Variants in DOCK9 observed in about 807,000 individuals in gnomAD.
DOCK9 encodes dedicator of cytokinesis 9.
In DOCK9, 89 loss-of-function variants were observed where a neutral mutation model predicts 263.3. The observed-to-expected ratio is 0.34, with a 90% CI of 0.28 to 0.40. The LOEUF is 0.40. Ranked by LOEUF, DOCK9 falls within the 10% of genes least tolerant of loss-of-function variation. The pLI is 1.00. For missense variants in DOCK9, 2,140 were observed against 2,603.4 expected, an observed-to-expected ratio of 0.82 and a Z score of 3.87; for synonymous variants, 976 against 973.1, an observed-to-expected ratio of 1.00 and a Z score of -0.06.
chr13:98,831,855 G>C (rs17709432), intron 39 of DOCK9, 69 bp from the exon 40 acceptor site: 99,375 of 1,543,932 alleles, frequency 0.064, 3,711 homozygotes, highest in Non-Finnish European at 0.076. Context: ...ACAATTTCAG[G>C]CTCAAGAATT....
At chr13:98,902,542 A>C in intron 11 of DOCK9, 51 bp from the exon 12 acceptor site, 1 of 1,549,954 alleles carries the variant, frequency 6.5e-7, no homozygotes, top group South Asian at 1.2e-5. Context: ...ACAGGGACAA[A>C]AGAATGTTGC....
chr13:98,814,170 C>T (rs922083339), intron 45 of DOCK9, among the ~76,000 whole-genome samples: 6 of 152,118 alleles, frequency 3.9e-5, no homozygotes, highest in African/African-American at 1.4e-4. Context: ...CATTTACCTC[C>T]TACATCATAT....
At chr13:98,867,672 T>C (rs1357517178) in intron 29 of DOCK9, 136 bp from the exon 30 acceptor site, 1 of 678,262 alleles carries the variant, frequency 1.5e-6, no homozygotes, top group East Asian at 2.6e-5. Context: ...TCTATTGCAC[T>C]GTACAGATTT....
chr13:98,870,910 A>AG (rs1035909852), intron 27 of DOCK9, among the ~76,000 whole-genome samples: 1 of 151,642 alleles, frequency 6.6e-6, no homozygotes, highest in Non-Finnish European at 1.5e-5. Flanking sequence ...AAAAAAAAAA[A>AG]AAAGTCCAAA....
intron 10 of DOCK9, 90 bp downstream of exon 10, chr13:98,904,542 A>T: frequency 9.5e-7 from 1 of 1,049,156 alleles, no homozygotes; most frequent in South Asian, 1.7e-5. Flanking sequence ...TTTCCAAAAT[A>T]AACAAAGCAA....
At chr13:98,898,133 T>C (rs759140946) in intron 14 of DOCK9, 46 bp downstream of exon 14, 1 of 1,384,784 alleles carries the variant, frequency 7.2e-7, no homozygotes, top group Admixed American at 1.8e-5. Flanking sequence ...GACCCATCCA[T>C]GCACCTATCT....
At chr13:98,818,977 A>C (rs2092089643) in intron 45 of DOCK9, among the ~76,000 whole-genome samples, 1 of 152,238 alleles carries the variant, frequency 6.6e-6, no homozygotes, top group South Asian at 2.1e-4. Flanking sequence ...CTATGAAGCT[A>C]GATGCCATCG....
intron 27 of DOCK9, among the ~76,000 whole-genome samples, chr13:98,876,355 G>A (rs939904255): frequency 2.1e-4 from 32 of 152,210 alleles, no homozygotes; most frequent in Non-Finnish European, 1.6e-4. Context: ...GCTGGGCGTG[G>A]TAGCGCATGA....
rs565410991 is a variant in DOCK9, at chr13:98,977,905, T to G, written c.5A>C (p.Gln2Pro). Reference protein sequence around the residue: MQADKCRTSSRS... With the variant: MPADKCRTSSRS... ...ACTACTTGTCCTGCATTTATCAGCC[T>G]GCATTCTCGGCTGAAAACGCAAGTC... is the stretch of plus-strand genomic sequence containing the variant. The change falls in exon 1 of 53, where the codon CAG (glutamine) becomes CCG (proline). Residue 2 changes from glutamine (Q) to proline (P), a missense_variant. Gln to Pro is a moderately conservative substitution (Grantham distance 76, BLOSUM62 -1). This residue lies in a region of DOCK9 where 1,521 missense variants were observed against 1,741.7 expected (regional missense o/e 0.87). Coordinates refer to ENST00000682017, the MANE Select transcript of DOCK9 (RefSeq NM_001366683.2). 1.7e-5 allele frequency: 27 copies of G among 1,586,642 alleles called. 1 individual carries two copies. In the African/African-American group the frequency reaches 3.4e-4, roughly 20 times the overall value.
chr13:98,946,146 G>C (rs1402540048), intron 2 of DOCK9, among the ~76,000 whole-genome samples: 3 of 152,142 alleles, frequency 2.0e-5, no homozygotes, highest in Admixed American at 2.0e-4. Context: ...AGATCACAGG[G>C]ACCCTTGGGC....
At chr13:98,984,203 T>TTC (rs1226062435) in intron 1 of DOCK9, among the ~76,000 whole-genome samples, 1 of 152,172 alleles carries the variant, frequency 6.6e-6, no homozygotes, top group Non-Finnish European at 1.5e-5. Context: ...CCAACCAAAG[T>TTC]TCTGTGGTAC....
chr13:98,965,694 T>TA (rs2059117647), intron 1 of DOCK9, among the ~76,000 whole-genome samples: 1 of 152,220 alleles, frequency 6.6e-6, no homozygotes, highest in Non-Finnish European at 1.5e-5. Context: ...AAGGAAAACT[T>TA]ACCTAAACTT....
At chr13:98,911,311 A>G (rs184917471) in intron 9 of DOCK9, among the ~76,000 whole-genome samples, 4,997 of 152,292 alleles carry the variant, frequency 0.033, 127 homozygotes, top group Middle Eastern at 0.092. Flanking sequence ...CTGGTAAGAA[A>G]TGTTTCAAAT....
chr13:99,008,359 G>A (rs1385169441), intron 1 of DOCK9, among the ~76,000 whole-genome samples: 2 of 151,148 alleles, frequency 1.3e-5, no homozygotes, highest in South Asian at 2.1e-4. Context: ...TCAGCCTCCC[G>A]AGTAGCTGGG....
At chr13:98,836,020 G>C (rs149574683) in intron 39 of DOCK9, among the ~76,000 whole-genome samples, 5,069 of 152,184 alleles carry the variant, frequency 0.033, 130 homozygotes, top group Middle Eastern at 0.088. Context: ...ACAGGTGTGA[G>C]CCACTTCACC....
At chr13:98,885,553 A>T in intron 20 of DOCK9, 155 bp downstream of exon 20, 5 of 797,472 alleles carry the variant, frequency 6.3e-6, no homozygotes, top group Non-Finnish European at 9.0e-6. Flanking sequence ...AAAAAAAAAA[A>T]TTACATATGC....
intron 45 of DOCK9, among the ~76,000 whole-genome samples, chr13:98,816,672 G>C (rs1400322702): frequency 6.6e-6 from 1 of 151,624 alleles, no homozygotes; most frequent in Non-Finnish European, 1.5e-5. Flanking sequence ...ATGGAAAGCT[G>C]AGGAGAGTGA....
intron 39 of DOCK9, among the ~76,000 whole-genome samples, chr13:98,833,904 A>C (rs1440042359): frequency 1.3e-5 from 2 of 152,212 alleles, no homozygotes; most frequent in African/African-American, 4.8e-5. Flanking sequence ...AAAAGAGCAA[A>C]ACACAAATCA....
intron 34 of DOCK9, chr13:98,854,403 T>C (rs917577072): frequency 2.0e-5 from 3 of 151,518 alleles, no homozygotes; most frequent in African/African-American, 7.3e-5. Flanking sequence ...AAAAAAATTA[T>C]GCGTGTGTGT....
Sources: allele counts gnomAD v4.1 joint callset (sites outside exome capture counted in the v4.1 genomes callset), GRCh38; gene constraint gnomAD v4.1.1; regional missense constraint gnomAD v4.1.1; transcripts MANE v1.5; gene names NCBI Gene and HGNC (gene_info 2026-07-23, HGNC 2026-07-21).